CNIH3: variants seen among roughly 807,000 people sequenced by gnomAD.
The protein encoded by CNIH3 is cornichon family AMPA receptor auxiliary protein 3, also known as protein cornichon homolog 3.
A neutral mutation model predicts 24.1 loss-of-function variants in CNIH3; 14 were observed. That is an observed-to-expected ratio of 0.58 (90% CI 0.38 to 0.91). The LOEUF (loss-of-function observed/expected upper bound fraction) is 0.91, where lower values mean the gene tolerates loss of function less well. Ranked by LOEUF, CNIH3 falls within the 40% of genes least tolerant of loss-of-function variation. The pLI, the probability that CNIH3 is intolerant of heterozygous loss-of-function variation, is 0.00. For missense variants in CNIH3, 178 were observed against 196.8 expected (o/e 0.90, Z 0.57); for synonymous variants, 68 against 73.8 (o/e 0.92, Z 0.40).
chr1:224,460,336 A>G lies in CNIH3; in HGVS notation n.203+25474A>G, dbSNP rs530007262. ...CTGTGAAACTGTCACCACAATCAAC[A>G]GGGGGATCATATCCATCACCCACAA... On this transcript the variant is annotated intron_variant and non_coding_transcript_variant, in intron 1 of 5. Coordinates refer to the CNIH3 transcript ENST00000471578. 7.9e-5 allele frequency among the ~76,000 whole-genome samples: 12 copies of G among 152,336 alleles called. No individual in the cohort carries two copies. In the South Asian group the frequency reaches 1.9e-3, roughly 24 times the overall value.
intron 1 of CNIH3, among the ~76,000 whole-genome samples, chr1:224,472,512 T>G (rs1387402197): frequency 6.6e-6 from 1 of 152,212 alleles, no homozygotes; most frequent in Non-Finnish European, 1.5e-5. Context: ...TGGAAATTAT[T>G]ATTCTAAGTG....
chr1:224,736,525 C>G (rs539070465), intron 5 of CNIH3, among the ~76,000 whole-genome samples: 37 of 152,330 alleles, frequency 2.4e-4, no homozygotes, highest in African/African-American at 8.4e-4. Context: ...AATGCAGATT[C>G]CTGGGCTTAT....
downstream of CNIH3, among the ~76,000 whole-genome samples, chr1:224,537,989 C>T (rs1294592759): frequency 1.3e-5 from 2 of 151,616 alleles, no homozygotes; most frequent in Non-Finnish European, 2.9e-5. Context: ...CTCACTCTGT[C>T]ACCCAGGCTG....
At chr1:224,600,250 T>C (rs111491368) in intron 3 of CNIH3, among the ~76,000 whole-genome samples, 3,916 of 151,462 alleles carry the variant, frequency 0.026, 175 homozygotes, top group African/African-American at 0.09. Flanking sequence ...AATGCAATGG[T>C]GTGATCTTGG....
At chr1:224,470,011 ATTC>A (rs933353914) in intron 1 of CNIH3, among the ~76,000 whole-genome samples, 46 of 151,716 alleles carry the variant, frequency 3.0e-4, no homozygotes, top group African/African-American at 1.0e-3. Context: ...TCTTTCAGTT[ATTC>A]TTCTTCTTCT....
chr1:224,637,627 G>A (rs1684159596), intron 1 of CNIH3, among the ~76,000 whole-genome samples: 1 of 152,156 alleles, frequency 6.6e-6, no homozygotes, highest in South Asian at 2.1e-4. Context: ...TCATAGTGTT[G>A]TCTGGCTCAG....
intron 4 of CNIH3, chr1:224,574,655 C>T: frequency 2.1e-6 from 2 of 973,182 alleles, no homozygotes; most frequent in African/African-American, 3.2e-5. Context: ...AGGAGCTCTT[C>T]ATCACCAGCA....
At chr1:224,641,844 C>A (rs1041506868) in intron 1 of CNIH3, among the ~76,000 whole-genome samples, 1 of 152,164 alleles carries the variant, frequency 6.6e-6, no homozygotes, top group African/African-American at 2.4e-5. Flanking sequence ...CAAAAATTTT[C>A]CTGGTGCTCC....
At chr1:224,591,932 T>C (rs999827674), downstream of CNIH3, among the ~76,000 whole-genome samples, 1 of 152,230 alleles carries the variant, frequency 6.6e-6, no homozygotes, top group Admixed American at 6.5e-5. Context: ...CAAGGTCTGA[T>C]ACCAGGAAGC....
At chr1:224,482,038 G>A (rs1323898943) in intron 1 of CNIH3, among the ~76,000 whole-genome samples, 2 of 152,170 alleles carry the variant, frequency 1.3e-5, no homozygotes, top group Non-Finnish European at 1.5e-5. Flanking sequence ...CCCATGGGGA[G>A]CAGTGCTAGG....
chr1:224,642,566 C>T (rs905131768), intron 1 of CNIH3, among the ~76,000 whole-genome samples: 8 of 152,178 alleles, frequency 5.3e-5, no homozygotes, highest in African/African-American at 9.6e-5. Flanking sequence ...GATTAGGAAG[C>T]GGAGGCACAG....
intron 3 of CNIH3, among the ~76,000 whole-genome samples, chr1:224,597,775 C>G (rs1036803055): frequency 1.3e-5 from 2 of 152,164 alleles, no homozygotes; most frequent in African/African-American, 2.4e-5. Flanking sequence ...GTGAGCTGCT[C>G]TAGCAAATTA....
chr1:224,480,521 G>A (rs977540498), intron 1 of CNIH3, among the ~76,000 whole-genome samples: 3 of 152,148 alleles, frequency 2.0e-5, no homozygotes, highest in Non-Finnish European at 4.4e-5. Context: ...TTTATGCTCT[G>A]CTTCCCTTAT....
At chr1:224,621,910 G>GT (rs903879296) in intron 1 of CNIH3, among the ~76,000 whole-genome samples, 3 of 151,894 alleles carry the variant, frequency 2.0e-5, no homozygotes, top group African/African-American at 4.8e-5. Context: ...GGGGGATGGG[G>GT]TTTTTTTTGT....
chr1:224,619,999 C>T (rs1266131116), intron 1 of CNIH3, among the ~76,000 whole-genome samples: 3 of 152,212 alleles, frequency 2.0e-5, no homozygotes, highest in African/African-American at 4.8e-5. Context: ...TTTTCCTCCC[C>T]TTTTTTCCCA....
rs1332216714 is a variant in CNIH3 at position 224,616,332 on chromosome 1, G to T, written c.-843G>T. The T allele has an allele frequency of 6.0e-5, 24 of 396,940 alleles. No individual in the cohort carries two copies. Among genetic ancestry groups the T allele is most frequent in the South Asian group, 8.6e-5 (2 of 23,348 alleles). The allele number at this position is 396,940 out of a possible 1,614,324, so 24.6% of individuals were successfully genotyped here. The stretch of plus-strand genomic sequence containing the variant: ...TACAGTTCTCGCAGTGGCAAAGGCG[G>T]CGGCGGCGGCGGCGGCAGCGGCAGC... On this transcript the variant is annotated 5_prime_UTR_variant, in exon 1 of 6. Transcript: ENST00000272133.
chr1:224,457,275 CTG>C (rs1168012940), intron 1 of CNIH3, among the ~76,000 whole-genome samples: 2,016 of 42,646 alleles, frequency 0.047, 48 homozygotes, highest in African/African-American at 0.14. Flanking sequence ...CTCTCTCTCT[CTG>C]TGTGTGTGTG....
intron 1 of CNIH3, among the ~76,000 whole-genome samples, chr1:224,669,355 A>G (rs1249590690): frequency 2.0e-5 from 3 of 152,224 alleles, no homozygotes; most frequent in African/African-American, 4.8e-5. Flanking sequence ...CTCATCATTC[A>G]GGTCTAGGGA....
At chr1:224,619,555 C>T (rs1480591178) in intron 1 of CNIH3, among the ~76,000 whole-genome samples, 1 of 152,192 alleles carries the variant, frequency 6.6e-6, no homozygotes, top group African/African-American at 2.4e-5. Flanking sequence ...CAAACCCCAT[C>T]ACACTGATTT....
Sources: allele counts gnomAD v4.1 joint callset (sites outside exome capture counted in the v4.1 genomes callset), GRCh38; gene constraint gnomAD v4.1.1; transcripts MANE v1.5; gene names NCBI Gene and HGNC (gene_info 2026-07-23, HGNC 2026-07-21).